CRPPA: variants seen among roughly 807,000 people sequenced by gnomAD.
The protein encoded by CRPPA is CDP-L-ribitol pyrophosphorylase A, also known as D-ribitol-5-phosphate cytidylyltransferase.
A neutral mutation model predicts 52.0 loss-of-function variants in CRPPA; 43 were observed. The observed-to-expected ratio is 0.83, with a 90% confidence interval of 0.65 to 1.07. The LOEUF (loss-of-function observed/expected upper bound fraction) is 1.07, where lower values mean the gene tolerates loss of function less well. CRPPA is among the 50% of genes least tolerant of loss of function. The probability of loss-of-function intolerance (pLI) is 0.00; values close to 1 mark genes in which losing one functional copy is unlikely to be tolerated. For missense variants in CRPPA, 629 were observed against 551.7 expected (o/e 1.14, Z -1.40); for synonymous variants, 250 against 203.5 (o/e 1.23, Z -1.94).
chr7:16,421,295 T>C lies in CRPPA; in HGVS notation c.28A>G (p.Arg10Gly). The C allele has an allele frequency of 7.9e-7, 1 of 1,267,952 alleles. No individual in the cohort carries two copies. 78.5% of individuals were successfully genotyped at this position (1,267,952 alleles called of 1,614,324 possible). The change falls in exon 1 of 10, where the codon AGG (arginine) becomes GGG (glycine). Residue 10 changes from arginine (R) to glycine (G), a missense_variant. Physicochemically the swap from Arg to Gly is moderately radical, Grantham distance 125. Coordinates refer to ENST00000407010, the MANE Select transcript of CRPPA (RefSeq NM_001101426.4). MEAGPPGSA[R>G]PAEPGPCLSG... is the part of the protein sequence containing the mutation. Reference sequence around the variant, plus strand: ...AGGCAAGGACCCGGCTCCGCCGGCCTGGCGCTGCCCGGCGGCCCGGCCTCC... The same window carrying C: ...AGGCAAGGACCCGGCTCCGCCGGCCCGGCGCTGCCCGGCGGCCCGGCCTCC...
At chr7:16,169,367 C>G (rs958955016) in intron 9 of CRPPA, among the ~76,000 whole-genome samples, 3 of 152,146 alleles carry the variant, frequency 2.0e-5, no homozygotes, top group African/African-American at 7.2e-5. Context: ...TCCAGCTATA[C>G]ATTTGTTTAC....
At chr7:16,177,969 T>C (rs1583410632) in intron 9 of CRPPA, among the ~76,000 whole-genome samples, 3 of 151,970 alleles carry the variant, frequency 2.0e-5, no homozygotes, top group Admixed American at 2.0e-4. Context: ...TACCAACTTC[T>C]TCCAGAAAAT....
intron 3 of CRPPA, among the ~76,000 whole-genome samples, chr7:16,326,706 T>C (rs1785399730): frequency 6.6e-6 from 1 of 152,186 alleles, no homozygotes; most frequent in Non-Finnish European, 1.5e-5. Context: ...TGTTAAGTAG[T>C]TGTGTGACTC....
intron 3 of CRPPA, among the ~76,000 whole-genome samples, chr7:16,342,976 G>A (rs985876409): frequency 4.8e-5 from 7 of 146,860 alleles, no homozygotes; most frequent in African/African-American, 1.7e-4. Context: ...GGAGGTAGAA[G>A]TTGCAGTAAG....
At chr7:16,289,373 G>T (rs748347810) in intron 5 of CRPPA, among the ~76,000 whole-genome samples, 11 of 152,018 alleles carry the variant, frequency 7.2e-5, no homozygotes, top group Non-Finnish European at 1.2e-4. Flanking sequence ...GCATCACCCT[G>T]ATACCAAAAC....
chr7:16,190,755 T>C (rs1781593101), intron 9 of CRPPA, among the ~76,000 whole-genome samples: 1 of 152,134 alleles, frequency 6.6e-6, no homozygotes, highest in Admixed American at 6.6e-5. Flanking sequence ...TAGTCTTTTA[T>C]CCCTCATCTC....
At chr7:16,373,682 CTAAA>C (rs752252845) in intron 3 of CRPPA, among the ~76,000 whole-genome samples, 5 of 152,114 alleles carry the variant, frequency 3.3e-5, no homozygotes, top group Non-Finnish European at 7.4e-5. Context: ...TACAGGATAA[CTAAA>C]TAATAAGCAG....
At position 16,088,889 on chromosome 7, in the gene CRPPA, T is replaced by C. The variant is rs748864971; in HGVS notation, c.*2806A>G. On this transcript the variant is annotated 3_prime_UTR_variant, in exon 10 of 10. Transcript: ENST00000407010. ...CCACCCTTCTTGTCCATTTCGCCAA[T>C]GTTCATTCAGTGCCTCTGGCTTATA... The C allele has an allele frequency of 6.7e-5, 12 of 179,556 alleles. No homozygotes were observed. Among genetic ancestry groups the C allele is most frequent in the Non-Finnish European group, 9.7e-5 (8 of 82,510 alleles). 11.1% of individuals were successfully genotyped at this position (179,556 alleles called of 1,614,324 possible).
chr7:16,421,354 C>T lies in CRPPA; in HGVS notation c.-32G>A. 2 of 1,230,760 alleles carry T rather than the reference C, an allele frequency of 1.6e-6. No individual in the cohort carries two copies. Among genetic ancestry groups the T allele is most frequent in the Non-Finnish European group, 1.0e-6 (1 of 985,716 alleles). 76.2% of individuals were successfully genotyped at this position (1,230,760 alleles called of 1,614,324 possible). On this transcript the variant is annotated 5_prime_UTR_variant, in exon 1 of 10. Transcript: ENST00000407010. ...GGGCGGAACGGCGAGCCCCGCTAGC[C>T]TCGGGCCGATGCGACCCCGCGCTGC...
chr7:16,411,154 C>T (rs888847585), intron 1 of CRPPA, among the ~76,000 whole-genome samples: 3 of 152,170 alleles, frequency 2.0e-5, no homozygotes, highest in Admixed American at 6.5e-5. Flanking sequence ...AATATTTCGC[C>T]TGCAATATCT....
At chr7:16,342,158 A>C (rs548513647) in intron 3 of CRPPA, among the ~76,000 whole-genome samples, 1 of 152,136 alleles carries the variant, frequency 6.6e-6, no homozygotes, top group Non-Finnish European at 1.5e-5. Flanking sequence ...TTCACAAGTG[A>C]CCCTCTGATT....
At chr7:16,234,054 T>C (rs758563488) in intron 8 of CRPPA, among the ~76,000 whole-genome samples, 1 of 152,114 alleles carries the variant, frequency 6.6e-6, no homozygotes, top group Non-Finnish European at 1.5e-5. Context: ...AAAAGAACAA[T>C]TATCACTCAT....
intron 2 of CRPPA, among the ~76,000 whole-genome samples, chr7:16,399,227 G>A (rs192995302): frequency 6.6e-5 from 10 of 152,308 alleles, no homozygotes; most frequent in South Asian, 4.1e-4. Context: ...CACTAGACAC[G>A]TGATTGACAG....
At chr7:16,227,591 C>A (rs530633480) in intron 8 of CRPPA, among the ~76,000 whole-genome samples, 1 of 151,754 alleles carries the variant, frequency 6.6e-6, no homozygotes, top group South Asian at 2.1e-4. Flanking sequence ...TGATATAGAG[C>A]CAAGTTTTTT....
chr7:16,282,914 C>A (rs1443950154), intron 5 of CRPPA, among the ~76,000 whole-genome samples: 7 of 152,086 alleles, frequency 4.6e-5, no homozygotes, highest in Admixed American at 4.6e-4. Flanking sequence ...AATTCTCAAT[C>A]TGTCTACATT....
At chr7:16,377,058 G>C (rs1786910070) in intron 2 of CRPPA, among the ~76,000 whole-genome samples, 4 of 152,158 alleles carry the variant, frequency 2.6e-5, no homozygotes, top group African/African-American at 9.7e-5. Flanking sequence ...GATGATTGCA[G>C]CATATGAAAT....
intron 3 of CRPPA, among the ~76,000 whole-genome samples, chr7:16,367,128 C>A (rs796290535): frequency 1.3e-4 from 19 of 151,850 alleles, no homozygotes; most frequent in African/African-American, 4.1e-4. Context: ...TCCTGAGGAT[C>A]TTTTCATTCC....
chr7:16,162,729 C>G (rs986625484), intron 9 of CRPPA, among the ~76,000 whole-genome samples: 6 of 151,902 alleles, frequency 3.9e-5, no homozygotes, highest in Admixed American at 6.6e-5. Context: ...TCCTGAATAT[C>G]CTTGTTAATT....
At chr7:16,131,812 C>G (rs1782686160) in intron 9 of CRPPA, among the ~76,000 whole-genome samples, 1 of 152,206 alleles carries the variant, frequency 6.6e-6, no homozygotes, top group East Asian at 1.9e-4. Flanking sequence ...AGCTCTCGAA[C>G]TCAAGTGATC....
Sources: gnomAD v4.1 joint callset for allele counts (sites outside exome capture counted in the v4.1 genomes callset) on GRCh38, gnomAD v4.1.1 for gene constraint, MANE v1.5 for transcripts, NCBI Gene and HGNC (gene_info 2026-07-23, HGNC 2026-07-21) for gene names.